The following CSMD1 variants were observed in gnomAD, a reference collection of about 807,000 sequenced individuals.
CSMD1 encodes CUB and sushi domain-containing protein 1.
Under a neutral mutation model 417.5 loss-of-function variants are expected in CSMD1, and 213 were observed. The observed-to-expected ratio is 0.51, with a 90% CI of 0.46 to 0.57. The LOEUF is 0.57. Among genes scored for constraint, CSMD1 ranks in the 20% least tolerant of loss-of-function variants. The probability of loss-of-function intolerance (pLI) is 0.00; values close to 1 mark genes in which losing one functional copy is unlikely to be tolerated. For missense variants in CSMD1, 6,923 were observed against 4,529.7 expected (o/e 1.53, Z -15.17); for synonymous variants, 2,862 against 1,736.8 (o/e 1.65, Z -16.11).
chr8:4,686,692 C>T (rs1281726871), intron 1 of CSMD1, among the ~76,000 whole-genome samples: 3 of 152,214 alleles, frequency 2.0e-5, no homozygotes, highest in African/African-American at 7.2e-5. Context: ...TACGAAGGCT[C>T]ATATTACATA....
At chr8:4,718,402 A>G (rs1808829741) in intron 1 of CSMD1, among the ~76,000 whole-genome samples, 1 of 152,226 alleles carries the variant, frequency 6.6e-6, no homozygotes, top group Non-Finnish European at 1.5e-5. Flanking sequence ...GATAAAACAC[A>G]TCTAGTTCAC....
chr8:4,676,676 T>C (rs1291159739), intron 1 of CSMD1, among the ~76,000 whole-genome samples: 5 of 152,096 alleles, frequency 3.3e-5, no homozygotes, highest in South Asian at 2.1e-4. Flanking sequence ...AATTTTATTA[T>C]AGCCTATGTA....
chr8:3,804,431 T>C (rs1800620280), intron 5 of CSMD1, among the ~76,000 whole-genome samples: 1 of 152,034 alleles, frequency 6.6e-6, no homozygotes, highest in African/African-American at 2.4e-5. Flanking sequence ...AAATGAAAAA[T>C]ACTATTTTTC....
At chr8:3,299,860 G>T (rs189872258) in intron 25 of CSMD1, among the ~76,000 whole-genome samples, 20 of 152,326 alleles carry the variant, frequency 1.3e-4, no homozygotes, top group Non-Finnish European at 2.4e-4. Context: ...GTTTCAGAGA[G>T]AATGTAGAGA....
intron 5 of CSMD1, among the ~76,000 whole-genome samples, chr8:3,798,904 G>T (rs1407978695): frequency 6.6e-6 from 1 of 151,946 alleles, no homozygotes; most frequent in Non-Finnish European, 1.5e-5. Flanking sequence ...AGGTGCAAAA[G>T]AAGAAATGTG....
chr8:3,371,543 G>C (rs1389795836), intron 18 of CSMD1, among the ~76,000 whole-genome samples: 1 of 151,238 alleles, frequency 6.6e-6, no homozygotes, highest in Non-Finnish European at 1.5e-5. Flanking sequence ...TCTTAAACTA[G>C]GTAAGATGAA....
At chr8:4,299,531 A>G (rs533652402) in intron 3 of CSMD1, among the ~76,000 whole-genome samples, 8 of 152,356 alleles carry the variant, frequency 5.3e-5, no homozygotes, top group Non-Finnish European at 8.8e-5. Context: ...AGTATATTGC[A>G]AAGAAAAATC....
At chr8:4,077,165 C>A (rs1379979559) in intron 3 of CSMD1, among the ~76,000 whole-genome samples, 1 of 151,312 alleles carries the variant, frequency 6.6e-6, no homozygotes, top group South Asian at 2.1e-4. Context: ...CAACTGCACC[C>A]AATGGGTAAA....
chr8:4,124,366 T>C (rs1213712412), intron 3 of CSMD1, among the ~76,000 whole-genome samples: 1 of 151,680 alleles, frequency 6.6e-6, no homozygotes, highest in Non-Finnish European at 1.5e-5. Context: ...ATATGAAATG[T>C]TTTCTTCTCC....
At chr8:2,951,411 A>C in intron 65 of CSMD1, 136 bp from the exon 66 acceptor site, 2 of 865,152 alleles carry the variant, frequency 2.3e-6, no homozygotes, top group Non-Finnish European at 3.4e-6. Flanking sequence ...AGAGGAGCCT[A>C]GTGCATCGCT....
intron 4 of CSMD1, among the ~76,000 whole-genome samples, chr8:4,015,441 T>A (rs1263364691): frequency 6.6e-6 from 1 of 152,096 alleles, no homozygotes; most frequent in Non-Finnish European, 1.5e-5. Context: ...GCAAGTGACA[T>A]ATTGCCATTT....
intron 37 of CSMD1, among the ~76,000 whole-genome samples, chr8:3,175,678 C>T (rs552034153): frequency 3.2e-4 from 44 of 137,416 alleles, no homozygotes; most frequent in African/African-American, 1.3e-3. Context: ...TCTGTATCTA[C>T]GAGCAGAGCT....
chr8:3,179,384 G>A (rs1056963991), intron 37 of CSMD1, among the ~76,000 whole-genome samples: 10 of 152,120 alleles, frequency 6.6e-5, no homozygotes, highest in East Asian at 3.9e-4. Context: ...AAACAAAAAT[G>A]TGGCATTATG....
At chr8:4,422,966 CAAT>C (rs1409765848) in intron 2 of CSMD1, among the ~76,000 whole-genome samples, 1 of 151,506 alleles carries the variant, frequency 6.6e-6, no homozygotes, top group Non-Finnish European at 1.5e-5. Flanking sequence ...AAACATTTGA[CAAT>C]AATAATCATT....
chr8:3,271,378 A>G (rs888811529), intron 26 of CSMD1, among the ~76,000 whole-genome samples: 4 of 151,952 alleles, frequency 2.6e-5, no homozygotes, highest in Non-Finnish European at 4.4e-5. Flanking sequence ...GAATAATGCC[A>G]CAATAAACAT....
chr8:3,274,736 G>T, intron 26 of CSMD1, among the ~76,000 whole-genome samples: 1 of 152,082 alleles, frequency 6.6e-6, no homozygotes, highest in Non-Finnish European at 1.5e-5. Context: ...TTTTATGAGA[G>T]ACTAGGATTG....
intron 2 of CSMD1, among the ~76,000 whole-genome samples, chr8:4,621,170 G>A (rs970519162): frequency 2.0e-5 from 3 of 151,942 alleles, no homozygotes; most frequent in Admixed American, 6.6e-5. Context: ...TGGAATATAT[G>A]CAGACCTATA....
intron 3 of CSMD1, among the ~76,000 whole-genome samples, chr8:4,131,154 T>C (rs1477922090): frequency 6.6e-6 from 1 of 152,166 alleles, no homozygotes; most frequent in Non-Finnish European, 1.5e-5. Flanking sequence ...ATGTAGATTT[T>C]AGACAAAAGA....
rs781236891 is a variant in CSMD1, at chr8:3,087,110, C to A, written c.7461G>T (p.Thr2487=). Residue 2487 remains threonine (T), a synonymous_variant, in exon 49 of 70, where the codon ACG becomes ACT. Coordinates refer to ENST00000635120, the MANE Select transcript of CSMD1 (RefSeq NM_033225.6). ...CGCATTTCTTACCCTGGCAGAGTGG[C>A]GTGAGGGAGTCCCACTGGTACATGC... ...PLGMYQWDSL[T]PLCQAVSCGI... is the part of the protein sequence containing the mutation. 6.2e-7 allele frequency: 1 copy of A among 1,613,138 alleles called. No individual in the cohort carries two copies. Among genetic ancestry groups the A allele is most frequent in the African/African-American group, 1.3e-5 (1 of 74,898 alleles).
Sources: allele counts gnomAD v4.1 joint callset (sites outside exome capture counted in the v4.1 genomes callset), GRCh38; gene constraint gnomAD v4.1.1; transcripts MANE v1.5; gene names NCBI Gene and HGNC (gene_info 2026-07-23, HGNC 2026-07-21).